The following TENM4 variants were observed in gnomAD, a reference collection of about 807,000 sequenced individuals.
TENM4 encodes teneurin-4.
Under a neutral mutation model 243.3 loss-of-function variants are expected in TENM4, and 82 were observed. That is an observed-to-expected ratio of 0.34 (90% CI 0.28 to 0.40). The LOEUF (loss-of-function observed/expected upper bound fraction) is 0.40. Ranked by LOEUF, TENM4 falls within the 10% of genes least tolerant of loss-of-function variation. TENM4 has a pLI of 1.00. For synonymous variants in TENM4, 1,412 were observed against 1,456.3 expected (o/e 0.97, Z 0.69); for missense variants, 3,138 against 3,673.3 (o/e 0.85, Z 3.77).
At chr11:78,728,048 G>T (rs1011412907) in intron 22 of TENM4, among the ~76,000 whole-genome samples, 1 of 152,174 alleles carries the variant, frequency 6.6e-6, no homozygotes, top group Non-Finnish European at 1.5e-5. Flanking sequence ...CTGCAGCCCA[G>T]TCACTTCCCT....
chr11:78,786,803 A>G (rs1856944396), intron 16 of TENM4, 95 bp downstream of exon 16: 20 of 1,500,126 alleles, frequency 1.3e-5, no homozygotes, highest in Admixed American at 2.0e-5. Context: ...CCATCCCCAC[A>G]TGCGATGAGG....
intron 1 of TENM4, among the ~76,000 whole-genome samples, chr11:79,326,275 A>G (rs927084729): frequency 1.6e-4 from 24 of 151,972 alleles, no homozygotes; most frequent in African/African-American, 5.8e-4. Context: ...CTTGGCTTCC[A>G]TTTCTCCTAT....
chr11:79,379,382 C>T (rs577114845), intron 1 of TENM4, among the ~76,000 whole-genome samples: 4 of 152,232 alleles, frequency 2.6e-5, no homozygotes, highest in South Asian at 2.1e-4. Context: ...GCCGTGTTAT[C>T]GGAAGACCTC....
intron 6 of TENM4, among the ~76,000 whole-genome samples, chr11:78,924,283 G>A (rs1856510976): frequency 1.3e-5 from 2 of 152,200 alleles, no homozygotes; most frequent in Non-Finnish European, 2.9e-5. Context: ...GTATGGCAGA[G>A]CAAAACCAGG....
In TENM4 at chr11:78,658,156, C is replaced by T. The variant is rs748290796; in HGVS notation, c.8212G>A (p.Asp2738Asn). 1.7e-5 allele frequency: 27 copies of T among 1,613,906 alleles called. 1 individual carries two copies. Among genetic ancestry groups the T allele is most frequent in the South Asian group, 1.5e-4 (14 of 91,084 alleles). The change falls in exon 34 of 34, where the codon GAC (aspartate) becomes AAC (asparagine). Residue 2738 changes from aspartate (D) to asparagine (N), a missense_variant. Physicochemically the swap from Asp to Asn is conservative, Grantham distance 23. Coordinates refer to ENST00000278550, the MANE Select transcript of TENM4 (RefSeq NM_001098816.3). ...VLSTGRVQGY[D>N]GFFVISVEQY... ...TCGACAGAGATCACGAAAAAGCCGT[C>T]GTAGCCTTGCACCCGCCCTGTGCTC...
At chr11:79,048,721 T>C (rs564190361) in intron 6 of TENM4, among the ~76,000 whole-genome samples, 4 of 152,320 alleles carry the variant, frequency 2.6e-5, no homozygotes, top group Admixed American at 1.3e-4. Context: ...GGGCCTTTTC[T>C]GTACCCGGAT....
intron 1 of TENM4, among the ~76,000 whole-genome samples, chr11:79,414,178 ACACACG>A (rs1858764314): frequency 6.6e-6 from 1 of 152,030 alleles, no homozygotes; most frequent in South Asian, 2.1e-4. Context: ...ACACACACAC[ACACACG>A]CACACAAACA....
At chr11:78,683,871 T>C (rs1269986932) in intron 29 of TENM4, among the ~76,000 whole-genome samples, 3 of 152,240 alleles carry the variant, frequency 2.0e-5, no homozygotes, top group Non-Finnish European at 4.4e-5. Flanking sequence ...ACATAGAGTT[T>C]CTTTCTATAG....
intron 6 of TENM4, among the ~76,000 whole-genome samples, chr11:79,053,443 C>T (rs947530362): frequency 2.6e-5 from 4 of 152,226 alleles, no homozygotes; most frequent in African/African-American, 7.2e-5. Flanking sequence ...CTATCACCTT[C>T]AGGACAAAGG....
At chr11:79,029,647 A>T (rs1016393918) in intron 6 of TENM4, among the ~76,000 whole-genome samples, 5 of 152,134 alleles carry the variant, frequency 3.3e-5, no homozygotes, top group African/African-American at 9.7e-5. Flanking sequence ...AGGCCTCAAC[A>T]TTTCTCAGTC....
chr11:79,420,297 T>G (rs372722455), intron 1 of TENM4, among the ~76,000 whole-genome samples: 1 of 152,218 alleles, frequency 6.6e-6, no homozygotes, highest in East Asian at 1.9e-4. Context: ...TCTGAACTAC[T>G]AAGATGTCAG....
intron 1 of TENM4, among the ~76,000 whole-genome samples, chr11:79,378,923 G>T (rs545963386): frequency 6.6e-6 from 1 of 151,224 alleles, no homozygotes; most frequent in Non-Finnish European, 1.5e-5. Context: ...AGAAAATGAG[G>T]AAAGTGTGGC....
At chr11:79,096,945 C>A (rs1449689998) in intron 4 of TENM4, 1 of 152,796 alleles carries the variant, frequency 6.5e-6, no homozygotes, top group East Asian at 1.9e-4. Context: ...CACACACACA[C>A]ACACACACAC....
chr11:79,330,130 G>T (rs1857038629), intron 1 of TENM4, among the ~76,000 whole-genome samples: 1 of 152,178 alleles, frequency 6.6e-6, no homozygotes, highest in Admixed American at 6.5e-5. Flanking sequence ...TACTGTGGCA[G>T]ACTTTAAGCT....
intron 6 of TENM4, among the ~76,000 whole-genome samples, chr11:78,973,780 C>A (rs567055665): frequency 1.3e-5 from 2 of 150,144 alleles, no homozygotes; most frequent in South Asian, 4.4e-4. Context: ...TGGCAAAAAC[C>A]ATAATTACTT....
chr11:79,218,360 A>T (rs1204101802), intron 2 of TENM4, among the ~76,000 whole-genome samples: 1 of 152,010 alleles, frequency 6.6e-6, no homozygotes, highest in East Asian at 1.9e-4. Context: ...CCAAATGCCA[A>T]ATGTCTGGTG....
intron 18 of TENM4, among the ~76,000 whole-genome samples, chr11:78,767,940 G>T (rs540963828): frequency 1.3e-5 from 2 of 152,336 alleles, no homozygotes; most frequent in Non-Finnish European, 2.9e-5. Flanking sequence ...AAAGGAGCAT[G>T]GTGCCTTGTA....
intron 9 of TENM4, among the ~76,000 whole-genome samples, chr11:78,864,662 G>A (rs966960788): frequency 5.3e-5 from 8 of 152,110 alleles, no homozygotes; most frequent in African/African-American, 1.9e-4. Flanking sequence ...CTTGGGCCTT[G>A]TCAGTGGTTC....
intron 3 of TENM4, among the ~76,000 whole-genome samples, chr11:79,164,433 T>A (rs1308658923): frequency 7.3e-6 from 1 of 137,870 alleles, no homozygotes; most frequent in Non-Finnish European, 1.5e-5. Context: ...TATATAGATA[T>A]ATATGTACTA....
Sources: allele counts gnomAD v4.1 joint callset (sites outside exome capture counted in the v4.1 genomes callset), GRCh38; gene constraint gnomAD v4.1.1; transcripts MANE v1.5; gene names NCBI Gene and HGNC (gene_info 2026-07-23, HGNC 2026-07-21).